PNKD: variants seen among roughly 807,000 people sequenced by gnomAD.
PNKD encodes the protein PNKD metallo-beta-lactamase domain containing.
In PNKD, 36 loss-of-function variants were observed where a neutral mutation model predicts 45.3. The observed-to-expected ratio is 0.80, with a 90% CI of 0.61 to 1.05. The LOEUF (loss-of-function observed/expected upper bound fraction) is 1.05. Among genes scored for constraint, PNKD ranks in the 50% least tolerant of loss-of-function variants. The probability of loss-of-function intolerance (pLI) is 0.00; values close to 1 mark genes in which losing one functional copy is unlikely to be tolerated. For synonymous variants in PNKD, 197 were observed against 210.1 expected (o/e 0.94, Z 0.54); for missense variants, 511 against 506.6 (o/e 1.01, Z -0.08).
At chr2:218,330,549 A>C (rs1574708286) in intron 2 of PNKD, among the ~76,000 whole-genome samples, 1 of 152,162 alleles carries the variant, frequency 6.6e-6, no homozygotes, top group Non-Finnish European at 1.5e-5. Flanking sequence ...CTGTAACCCC[A>C]CAGGGAGGGT....
rs1195899434 is a variant in PNKD, at chr2:218,346,680, T to A, written c.*1699T>A. On this transcript the variant is annotated 3_prime_UTR_variant, in exon 10 of 10. Coordinates refer to ENST00000273077, the MANE Select transcript of PNKD (RefSeq NM_015488.5). Reference sequence around the variant, plus strand: ...TTTGTCTCCCCTTCTAGACTGTGAATCCTTAAGGGCATGGACTGTATCTTA... The same window carrying A: ...TTTGTCTCCCCTTCTAGACTGTGAAACCTTAAGGGCATGGACTGTATCTTA... The A allele has an allele frequency of 6.5e-6, 1 of 154,032 alleles. No homozygotes were observed. Among genetic ancestry groups the A allele is most frequent in the Non-Finnish European group, 1.5e-5 (1 of 68,094 alleles). The allele number at this position is 154,032 out of a possible 1,614,324, so 9.5% of individuals were successfully genotyped here.
At chr2:218,339,222 G>T (rs1559531443) in intron 2 of PNKD, among the ~76,000 whole-genome samples, 3 of 152,014 alleles carry the variant, frequency 2.0e-5, no homozygotes, top group Admixed American at 6.6e-5. Flanking sequence ...TTCATCAGAG[G>T]TGCTAGACCC....
intron 2 of PNKD, among the ~76,000 whole-genome samples, chr2:218,299,233 C>G (rs1206674184): frequency 1.3e-5 from 2 of 152,136 alleles, no homozygotes; most frequent in African/African-American, 4.8e-5. Flanking sequence ...CCTCCGCGTC[C>G]GAGGTTTAAA....
chr2:218,323,147 G>A, intron 2 of PNKD: 14 of 1,335,348 alleles, frequency 1.0e-5, no homozygotes, highest in Non-Finnish European at 1.3e-5. Context: ...TCAATGGGCG[G>A]GGCGGGGCCA....
At chr2:218,338,610 G>T (rs1438880002) in intron 2 of PNKD, among the ~76,000 whole-genome samples, 4 of 151,526 alleles carry the variant, frequency 2.6e-5, no homozygotes, top group African/African-American at 9.7e-5. Context: ...CTACAAAAAA[G>T]ATAATTGGGA....
chr2:218,345,920 T>A lies in PNKD; in HGVS notation c.*939T>A, dbSNP rs1694816781. 6.6e-6 allele frequency: 1 copy of A among 152,448 alleles called. No homozygotes were observed. The highest frequency in any genetic ancestry group is 6.5e-5 in the Admixed American group (1 of 15,288). The allele number at this position is 152,448 out of a possible 1,614,324, so 9.4% of individuals were successfully genotyped here. On this transcript the variant is annotated 3_prime_UTR_variant, in exon 10 of 10. Transcript: ENST00000273077. ...ACCTTTCCTGTTTTATCCGCAGCCCTTTTCTTCTTTGAGTTAGTAAAGATT... is the reference window on the plus strand; with the variant it reads ...ACCTTTCCTGTTTTATCCGCAGCCCATTTCTTCTTTGAGTTAGTAAAGATT...
intron 7 of PNKD, 71 bp downstream of exon 7, chr2:218,342,215 A>T: frequency 7.7e-7 from 1 of 1,301,812 alleles, no homozygotes; most frequent in South Asian, 1.2e-5. Context: ...CCACAGTCCC[A>T]TGGAGAGCAC....
rs1040216616 is a variant in PNKD at position 218,326,206 on chromosome 2, G to A, written c.237-13577G>A. ...CAATGATGGAAACACCAGGCTCACCGGGAGGAGAGCTGTTGACCATGTTAT... is the reference window on the plus strand; with the variant it reads ...CAATGATGGAAACACCAGGCTCACCAGGAGGAGAGCTGTTGACCATGTTAT... On this transcript the variant is annotated intron_variant, in intron 2 of 9. Transcript: ENST00000273077. This position sits in a 1 kb window ranked among gnomAD's most constrained non-coding sequence, Gnocchi z 4.1. Among the ~76,000 whole-genome samples the A allele has an allele frequency of 2.0e-5, 3 of 152,160 alleles. No homozygotes were observed. Among genetic ancestry groups the A allele is most frequent in the South Asian group, 2.1e-4 (1 of 4,830 alleles).
intron 2 of PNKD, among the ~76,000 whole-genome samples, chr2:218,297,865 G>A (rs1693183032): frequency 6.6e-6 from 1 of 151,186 alleles, no homozygotes; most frequent in Non-Finnish European, 1.5e-5. Context: ...GGACGTGATG[G>A]CAGGCGCCTG....
chr2:218,273,301 C>T (rs1690929751), intron 2 of PNKD, among the ~76,000 whole-genome samples: 2 of 152,268 alleles, frequency 1.3e-5, no homozygotes, highest in South Asian at 2.1e-4. Flanking sequence ...GACGGAGTCT[C>T]GCTCTGTTAC....
chr2:218,313,579 G>A (rs1362720500), intron 2 of PNKD, among the ~76,000 whole-genome samples: 1 of 152,164 alleles, frequency 6.6e-6, no homozygotes. Context: ...AACTTTTGTT[G>A]CAAGATCTCT....
chr2:218,293,927 T>TAA (rs56100300), intron 2 of PNKD, among the ~76,000 whole-genome samples: 3 of 118,868 alleles, frequency 2.5e-5, no homozygotes, highest in Non-Finnish European at 5.2e-5. Context: ...AACAGAGATT[T>TAA]AAAAAAAAAA....
chr2:218,342,285 G>T, intron 7 of PNKD, 141 bp downstream of exon 7: 1 of 735,340 alleles, frequency 1.4e-6, no homozygotes, highest in South Asian at 1.6e-5. Context: ...GTGTTACTCA[G>T]ATTGGTTTTA....
intron 8 of PNKD, among the ~76,000 whole-genome samples, 170 bp from the exon 9 acceptor site, chr2:218,344,285 G>A (rs1432002541): frequency 6.6e-6 from 1 of 152,202 alleles, no homozygotes; most frequent in East Asian, 1.9e-4. Context: ...TGGCTGACTT[G>A]TGCCCACAGT....
At chr2:218,316,985 AAT>A in intron 2 of PNKD, 1 of 152,500 alleles carries the variant, frequency 6.6e-6, no homozygotes. Context: ...CCTAAGTTCA[AAT>A]ATAGGTGCAA....
Position 218,270,529 on chromosome 2 carries a change from T to G in PNKD, c.-7T>G, listed in dbSNP as rs777046045. On this transcript the variant is annotated 5_prime_UTR_variant, in exon 1 of 10. Coordinates refer to ENST00000273077, the MANE Select transcript of PNKD (RefSeq NM_015488.5). ...GGAGCGCGGTGAAGCGGGGGTGGGA[T>G]CTGAACATGGCGGCGGTGGTAGCTG... 4 of 1,232,794 alleles carry G rather than the reference T, an allele frequency of 3.2e-6. No individual in the cohort carries two copies. The highest frequency in any genetic ancestry group is 4.2e-6 in the Non-Finnish European group (4 of 944,548). 76.4% of individuals were successfully genotyped at this position (1,232,794 alleles called of 1,614,324 possible).
intron 2 of PNKD, chr2:218,286,765 G>A (rs1692546668): frequency 6.6e-6 from 1 of 152,312 alleles, no homozygotes; most frequent in Non-Finnish European, 1.5e-5. Context: ...TACAGCAAGA[G>A]GAGAGTATGT....
intron 6 of PNKD, 89 bp downstream of exon 6, chr2:218,341,715 C>G (rs1422093242): frequency 1.9e-6 from 2 of 1,026,460 alleles, no homozygotes; most frequent in Non-Finnish European, 3.0e-6. Flanking sequence ...GGGGTATCAG[C>G]AGGTGGATCT....
intron 2 of PNKD, among the ~76,000 whole-genome samples, chr2:218,318,513 G>A (rs899221189): frequency 2.0e-5 from 3 of 152,190 alleles, no homozygotes; most frequent in African/African-American, 7.2e-5. Flanking sequence ...GCTCTCCTGT[G>A]GGCACTGAGC....
Sources: allele counts gnomAD v4.1 joint callset (sites outside exome capture counted in the v4.1 genomes callset), GRCh38; gene constraint gnomAD v4.1.1; non-coding constraint Gnocchi (gnomAD v3.1); transcripts MANE v1.5; gene names NCBI Gene and HGNC (gene_info 2026-07-23, HGNC 2026-07-21).